Variants in MRPL54 observed in about 807,000 individuals in gnomAD.
The protein encoded by MRPL54 is large ribosomal subunit protein mL54.
In MRPL54, 12 loss-of-function variants were observed where a neutral mutation model predicts 15.6. The observed-to-expected ratio is 0.77, with a 90% CI of 0.49 to 1.24. MRPL54 has a LOEUF of 1.24. MRPL54 is among the 50% of genes most tolerant of loss of function. The pLI, the probability that MRPL54 is intolerant of heterozygous loss-of-function variation, is 0.00. For missense variants in MRPL54, 178 were observed against 186.8 expected (o/e 0.95, Z 0.28); for synonymous variants, 91 against 75.7 (o/e 1.20, Z -1.05).
intron 1 of MRPL54, among the ~76,000 whole-genome samples, chr19:3,763,861 G>A (rs940952650): frequency 2.0e-5 from 3 of 151,382 alleles, no homozygotes; most frequent in South Asian, 2.1e-4. Flanking sequence ...GCAGTGAGCC[G>A]AGATCACGCC....
rs1203519142 is a variant in MRPL54 at position 3,765,218 on chromosome 19, G to C, written c.171G>C (p.Lys57Asn). 1 of 1,613,728 alleles carries C rather than the reference G, an allele frequency of 6.2e-7. No individual in the cohort carries two copies. Among genetic ancestry groups the C allele is most frequent in the East Asian group, 2.2e-5 (1 of 44,832 alleles). ...GKGAVTSEALKDPDVCTDPVQ... is the reference protein window; with the variant it reads ...GKGAVTSEALNDPDVCTDPVQ... ...GTGCAGTGACCAGCGAGGCCCTCAA[G>C]GACCCCGACGTATGCACAGATCCTG... Residue 57 changes from lysine to asparagine, a missense_variant, in exon 2 of 3, where the codon AAG becomes AAC. Physicochemically the swap from Lys to Asn is moderately conservative, Grantham distance 94 (BLOSUM62 0). Coordinates refer to ENST00000330133, the MANE Select transcript of MRPL54 (RefSeq NM_172251.3).
intron 1 of MRPL54, among the ~76,000 whole-genome samples, chr19:3,763,252 T>A (rs1599180658): frequency 6.6e-6 from 1 of 152,214 alleles, no homozygotes; most frequent in Non-Finnish European, 1.5e-5. Context: ...CCCGTTTAAT[T>A]GGCCACTTCA....
chr19:3,764,825 G>T (rs569176223), intron 1 of MRPL54, among the ~76,000 whole-genome samples: 1 of 151,700 alleles, frequency 6.6e-6, no homozygotes, highest in Non-Finnish European at 1.5e-5. Flanking sequence ...TCAGGAGATC[G>T]AGACCATCCT....
At chr19:3,763,024 C>T (rs2037165877) in intron 1 of MRPL54, among the ~76,000 whole-genome samples, 1 of 152,230 alleles carries the variant, frequency 6.6e-6, no homozygotes, top group African/African-American at 2.4e-5. Flanking sequence ...AGCGATTGGA[C>T]CCAGGGCGCA....
chr19:3,765,067 A>C (rs966290544), intron 1 of MRPL54, 99 bp from the exon 2 acceptor site: 44 of 1,249,278 alleles, frequency 3.5e-5, no homozygotes, highest in Non-Finnish European at 4.7e-5. Context: ...AGCAGAGTCC[A>C]GCCAGGGGCA....
chr19:3,765,367 A>C, intron 2 of MRPL54, 36 bp downstream of exon 2: 1 of 1,606,384 alleles, frequency 6.2e-7, no homozygotes, highest in Non-Finnish European at 8.5e-7. Context: ...TGCAATGACT[A>C]TTCCTTCCTC....
chr19:3,763,108 C>T (rs1337079517), intron 1 of MRPL54, among the ~76,000 whole-genome samples: 1 of 152,218 alleles, frequency 6.6e-6, no homozygotes, highest in Non-Finnish European at 1.5e-5. Context: ...ACTGCGCAGG[C>T]GCGGGTTGGA....
chr19:3,767,462 T>A lies in MRPL54; in HGVS notation c.*69T>A. On this transcript the variant is annotated 3_prime_UTR_variant, in exon 3 of 3. Transcript: ENST00000330133. ...CGTTTTCCCGGAGGACGTGGACTTT[T>A]GTGAGACAAGAGGCGGCTCCCCAGC... The A allele has an allele frequency of 1.3e-6, 2 of 1,582,782 alleles. No individual in the cohort carries two copies. The highest frequency in any genetic ancestry group is 1.7e-6 in the Non-Finnish European group (2 of 1,170,146).
intron 2 of MRPL54, among the ~76,000 whole-genome samples, chr19:3,766,722 A>G (rs4807508): frequency 0.87 from 132,812 of 152,196 alleles, 58,115 homozygotes; most frequent in East Asian, 1. Flanking sequence ...TGGCTGCTCT[A>G]GTTTGAGGTT....
At chr19:3,764,524 C>T (rs549899751) in intron 1 of MRPL54, among the ~76,000 whole-genome samples, 3 of 152,058 alleles carry the variant, frequency 2.0e-5, no homozygotes, top group African/African-American at 7.2e-5. Context: ...TCTCCTGCCT[C>T]AGCCTCCCGA....
At chr19:3,764,426 G>C (rs541463858) in intron 1 of MRPL54, among the ~76,000 whole-genome samples, 28 of 150,006 alleles carry the variant, frequency 1.9e-4, no homozygotes, top group Middle Eastern at 3.5e-3. Context: ...TTATTTTTTT[G>C]AGATGGAATC....
At chr19:3,766,832 G>C (rs1302005051) in intron 2 of MRPL54, among the ~76,000 whole-genome samples, 3 of 152,252 alleles carry the variant, frequency 2.0e-5, no homozygotes. Context: ...CACCTGGTGT[G>C]CTGGAGGAAC....
chr19:3,764,716 G>C (rs1483213311), intron 1 of MRPL54, among the ~76,000 whole-genome samples: 1 of 151,254 alleles, frequency 6.6e-6, no homozygotes, highest in Non-Finnish European at 1.5e-5. Flanking sequence ...ATGCCTGGCT[G>C]AGACCCTGTC....
At chr19:3,764,737 A>G (rs2037181159) in intron 1 of MRPL54, among the ~76,000 whole-genome samples, 1 of 148,088 alleles carries the variant, frequency 6.8e-6, no homozygotes, top group African/African-American at 2.5e-5. Flanking sequence ...TTTAAAAAAA[A>G]GTTTTGAGTG....
rs1340751683 is a variant in MRPL54, at chr19:3,765,187, GA to G, written c.144del (p.Gly49ValfsTer3). 6.2e-7 allele frequency: 1 copy of G among 1,612,486 alleles called. No homozygotes were observed. The highest frequency in any genetic ancestry group is 8.5e-7 in the Non-Finnish European group (1 of 1,179,252). ...KKPVMKGAKS[G>X]KGAVTSEALK... ...CCAGTTATGAAGGGGGCCAAATCGG[GA>G]AAAGGTGCAGTGACCAGCGAGGCCC... On this transcript the variant is annotated frameshift_variant, in exon 2 of 3. Coordinates refer to ENST00000330133, the MANE Select transcript of MRPL54 (RefSeq NM_172251.3). LOFTEE classifies it high-confidence loss of function.
intron 1 of MRPL54, among the ~76,000 whole-genome samples, chr19:3,764,374 C>T (rs578122122): frequency 2.7e-5 from 4 of 150,034 alleles, no homozygotes; most frequent in South Asian, 2.1e-4. Context: ...TGAGCCGCCG[C>T]GCCCGGCCGG....
rs1445740379 is a variant in MRPL54, at chr19:3,762,774, C to T, written c.74C>T (p.Ala25Val). ...GWGAWELLNP[A>V]TSGRLLARDY... ...GGGGCCTGGGAGCTCCTAAACCCCG[C>T]CACTTCCGGAAGACTCCTGGCCCGG... is the stretch of plus-strand genomic sequence containing the variant. Residue 25 changes from alanine (A) to valine (V), a missense_variant, in exon 1 of 3, where the codon GCC (alanine) becomes GTC (valine). Transcript: ENST00000330133. The T allele has an allele frequency of 6.2e-7, 1 of 1,607,258 alleles. No homozygotes were observed. Among genetic ancestry groups the T allele is most frequent in the Non-Finnish European group, 8.5e-7 (1 of 1,177,082 alleles).
In MRPL54 at chr19:3,767,303, G is replaced by A. The variant is rs764659598; in HGVS notation, c.327G>A (p.Glu109=). ...MNLGPPKTLE[E]LDPESREYWR... is the part of the protein sequence containing the mutation. Reference sequence around the variant, plus strand: ...TGGGTCCCCCAAAGACCCTGGAGGAGCTGGACCCCGAGAGCCGGGAGTACT... The same window carrying A: ...TGGGTCCCCCAAAGACCCTGGAGGAACTGGACCCCGAGAGCCGGGAGTACT... Residue 109 remains glutamate, a synonymous_variant, in exon 3 of 3, where the codon GAG becomes GAA. Coordinates refer to ENST00000330133, the MANE Select transcript of MRPL54 (RefSeq NM_172251.3). 9.3e-6 allele frequency: 15 copies of A among 1,612,494 alleles called. No homozygotes were observed. The highest frequency in any genetic ancestry group is 2.7e-5 in the African/African-American group (2 of 74,818).
intron 2 of MRPL54, among the ~76,000 whole-genome samples, chr19:3,766,846 G>A (rs548912962): frequency 2.0e-5 from 3 of 152,348 alleles, no homozygotes; most frequent in African/African-American, 4.8e-5. Flanking sequence ...GAGGAACAGC[G>A]GGGAGGCCTG....
Sources: gnomAD v4.1 joint callset for allele counts (sites outside exome capture counted in the v4.1 genomes callset) on GRCh38, gnomAD v4.1.1 for gene constraint, MANE v1.5 for transcripts, NCBI Gene and HGNC (gene_info 2026-07-23, HGNC 2026-07-21) for gene names.